USP35: variants seen among roughly 807,000 people sequenced by gnomAD.
USP35 encodes the protein ubiquitin carboxyl-terminal hydrolase 35.
A neutral mutation model predicts 83.8 loss-of-function variants in USP35; 69 were observed. The observed-to-expected ratio is 0.82, with a 90% CI of 0.68 to 1.01. USP35 has a LOEUF of 1.01. Among genes scored for constraint, USP35 ranks in the 50% least tolerant of loss-of-function variants. The pLI is 0.00. For synonymous variants in USP35, 714 were observed against 589.5 expected, an observed-to-expected ratio of 1.21 and a Z score of -3.06; for missense variants, 1,503 against 1,362.5, an observed-to-expected ratio of 1.10 and a Z score of -1.62.
At chr11:78,193,116 G>T (rs1863049342) in intron 1 of USP35, among the ~76,000 whole-genome samples, 1 of 152,198 alleles carries the variant, frequency 6.6e-6, no homozygotes, top group Admixed American at 6.5e-5. Flanking sequence ...TGTGGGGGAG[G>T]TTGGCCACAG....
chr11:78,213,889 C>G lies in USP35; in HGVS notation c.*76C>G. 2.0e-6 allele frequency: 3 copies of G among 1,496,138 alleles called. No individual in the cohort carries two copies. The highest frequency in any genetic ancestry group is 2.7e-5 in the South Asian group (2 of 73,066). The allele number at this position is 1,496,138 out of a possible 1,614,324, so 92.7% of individuals were successfully genotyped here. Reference sequence around the variant, plus strand: ...CTGAGGGAAGCTGTGGAGGCAGGCCCTACCAAGAGGAAGGATGGTACAGCT... The same window carrying G: ...CTGAGGGAAGCTGTGGAGGCAGGCCGTACCAAGAGGAAGGATGGTACAGCT... On this transcript the variant is annotated 3_prime_UTR_variant, in exon 11 of 11. Coordinates refer to ENST00000529308, the MANE Select transcript of USP35 (RefSeq NM_020798.4).
In USP35 at chr11:78,215,103, G is replaced by A. The variant is rs1319666936; in HGVS notation, c.*1290G>A. On this transcript the variant is annotated 3_prime_UTR_variant, in exon 11 of 11. Transcript: ENST00000529308. ...CCAGAACCCATCTCTAGACGCCTAAGAAAGCTGGATGGGTAAATGCTAGTA... is the reference window on the plus strand; with the variant it reads ...CCAGAACCCATCTCTAGACGCCTAAAAAAGCTGGATGGGTAAATGCTAGTA... Among the ~76,000 whole-genome samples the A allele has an allele frequency of 2.0e-5, 3 of 152,228 alleles. No homozygotes were observed. Among genetic ancestry groups the A allele is most frequent in the Non-Finnish European group, 2.9e-5 (2 of 68,036 alleles).
chr11:78,206,416 A>T (rs953330302), intron 7 of USP35, among the ~76,000 whole-genome samples: 1 of 152,224 alleles, frequency 6.6e-6, no homozygotes, highest in Non-Finnish European at 1.5e-5. Flanking sequence ...TTTATAGTCT[A>T]TGGCCACCTA....
intron 1 of USP35, among the ~76,000 whole-genome samples, chr11:78,195,337 T>C (rs1207162680): frequency 1.3e-5 from 2 of 151,908 alleles, no homozygotes; most frequent in African/African-American, 4.8e-5. Flanking sequence ...GAGAGCATGG[T>C]GGTCGTGGGG....
the USP35 span, among the ~76,000 whole-genome samples, chr11:78,227,361 A>G: frequency 2.0e-5 from 3 of 152,232 alleles, no homozygotes; most frequent in African/African-American, 7.2e-5. Context: ...TGCACATTCG[A>G]ACACAAATGT....
chr11:78,209,246 CTT>C (rs748807689), intron 9 of USP35, among the ~76,000 whole-genome samples, 200 bp from the exon 10 acceptor site: 4 of 152,034 alleles, frequency 2.6e-5, no homozygotes, highest in Admixed American at 6.6e-5. Context: ...TCCAGCAAGT[CTT>C]TATGTAGGGC....
the USP35 span, among the ~76,000 whole-genome samples, chr11:78,222,476 C>A: frequency 6.6e-6 from 1 of 150,548 alleles, no homozygotes. Flanking sequence ...ACAGATTTTT[C>A]TCCCTCAATT....
At position 78,208,845 on chromosome 11, in the gene USP35, G is replaced by T. The variant is rs779845130; in HGVS notation, c.1486-12G>T. The stretch of plus-strand genomic sequence containing the variant: ...CTGCTCCTGACCATGCCTTTCGCCT[G>T]CCTTGTCCTAGCGGCCTGCCATTTC... On this transcript the variant is annotated splice_polypyrimidine_tract_variant and intron_variant, in intron 8 of 10. Transcript: ENST00000529308. 6.2e-7 allele frequency: 1 copy of T among 1,614,146 alleles called. No homozygotes were observed. The highest frequency in any genetic ancestry group is 1.7e-5 in the Admixed American group (1 of 60,014).
chr11:78,213,971 G>C lies in USP35; in HGVS notation c.*158G>C, dbSNP rs114788158. ...GTACACAGAGATTCTCTCAGATATG[G>C]AAGTAAGACCTAAGTCCCTTTCATT... On this transcript the variant is annotated 3_prime_UTR_variant, in exon 11 of 11. Transcript: ENST00000529308. 4.3e-3 allele frequency: 3,310 copies of C among 773,228 alleles called. 87 individuals are homozygous for C. In the African/African-American group the frequency reaches 0.055, roughly 13 times the overall value. 47.9% of individuals were successfully genotyped at this position (773,228 alleles called of 1,614,324 possible).
chr11:78,191,841 CTTT>C (rs1215811595), intron 1 of USP35, among the ~76,000 whole-genome samples: 4 of 133,452 alleles, frequency 3.0e-5, no homozygotes, highest in Admixed American at 1.5e-4. Context: ...CGGCCCTCAT[CTTT>C]TTTTTTTTTT....
chr11:78,217,166 T>TC (rs1864188700), downstream of USP35: 1 of 152,352 alleles, frequency 6.6e-6, no homozygotes, highest in African/African-American at 2.4e-5. Context: ...GACACCAACC[T>TC]CCCTAAGTAC....
the USP35 span, among the ~76,000 whole-genome samples, chr11:78,225,840 T>C: frequency 2.6e-3 from 395 of 152,280 alleles, 7 homozygotes; most frequent in Middle Eastern, 0.02. Context: ...AACAACAGGA[T>C]GGACAAGAAA....
At chr11:78,218,660 T>G (rs1391751250), downstream of USP35, 1 of 153,070 alleles carries the variant, frequency 6.5e-6, no homozygotes, top group African/African-American at 2.4e-5. Flanking sequence ...GATGTCAGCT[T>G]TCCCTCTTCA....
In USP35 at chr11:78,196,880, C is replaced by A. The variant is rs778434918; in HGVS notation, c.635C>A (p.Pro212His). The change falls in exon 2 of 11, where the codon CCC becomes CAC. Residue 212 changes from proline (P) to histidine (H), a missense_variant. Pro to His is a moderately conservative substitution (Grantham distance 77, BLOSUM62 -2). Transcript: ENST00000529308. This position sits in a 1 kb window ranked among gnomAD's most constrained non-coding sequence, Gnocchi z 4.8. ...LWRAQPAAIL[P>H]CLKELFAVIS... ...CGCGCACAGCCCGCCGCCATCCTGC[C>A]CTGCCTCAAAGAGCTGTTCGCAGTC... 4 of 1,477,096 alleles carry A rather than the reference C, an allele frequency of 2.7e-6. No individual in the cohort carries two copies. In the Admixed American group the frequency reaches 7.1e-5, roughly 26 times the overall value. 91.5% of individuals were successfully genotyped at this position (1,477,096 alleles called of 1,614,324 possible).
chr11:78,234,088 C>A, the USP35 span, among the ~76,000 whole-genome samples: 3 of 152,034 alleles, frequency 2.0e-5, no homozygotes, highest in East Asian at 5.8e-4. Context: ...CTTTTCTTTT[C>A]TTTTTATTTA....
Position 78,197,976 on chromosome 11 carries a change from G to A in USP35, c.714G>A (p.Gln238=). Residue 238 remains glutamine, a synonymous_variant, in exon 3 of 11, where the codon CAG becomes CAA. Coordinates refer to ENST00000529308, the MANE Select transcript of USP35 (RefSeq NM_020798.4). Reference sequence around the variant, plus strand: ...CTAGCGCCCTGGCCAGCGTGGTCCAGCACCTCCCATTGGAGCTCATGGATG... The same window carrying A: ...CTAGCGCCCTGGCCAGCGTGGTCCAACACCTCCCATTGGAGCTCATGGATG... ...PPSSALASVV[Q]HLPLELMDGV... The A allele has an allele frequency of 1.2e-6, 2 of 1,614,216 alleles. No homozygotes were observed. Among genetic ancestry groups the A allele is most frequent in the Non-Finnish European group, 1.7e-6 (2 of 1,180,038 alleles).
the USP35 span, among the ~76,000 whole-genome samples, chr11:78,235,201 G>A: frequency 6.6e-6 from 1 of 151,942 alleles, no homozygotes; most frequent in African/African-American, 2.4e-5. Context: ...CGCCCAGGCT[G>A]GAGTGCAGTG....
chr11:78,190,646 T>C (rs1862976900), intron 1 of USP35, among the ~76,000 whole-genome samples: 2 of 152,158 alleles, frequency 1.3e-5, no homozygotes, highest in Non-Finnish European at 2.9e-5. Flanking sequence ...ATTCCAGTTA[T>C]GCTGCAGAGG....
intron 1 of USP35, among the ~76,000 whole-genome samples, chr11:78,191,004 G>A (rs1862986826): frequency 6.6e-6 from 1 of 152,218 alleles, no homozygotes; most frequent in Non-Finnish European, 1.5e-5. Context: ...GCTGGAGAGT[G>A]TTGAGAGTTC....
Sources: gnomAD v4.1 joint callset for allele counts (sites outside exome capture counted in the v4.1 genomes callset) on GRCh38, gnomAD v4.1.1 for gene constraint, Gnocchi (gnomAD v3.1) non-coding constraint, MANE v1.5 for transcripts, NCBI Gene and HGNC (gene_info 2026-07-23, HGNC 2026-07-21) for gene names.